The following IMPG2 variants were observed in gnomAD, a reference collection of about 807,000 sequenced individuals.
IMPG2 encodes interphotoreceptor matrix proteoglycan 2.
IMPG2 carries 91 observed loss-of-function variants against 129.2 expected under a neutral mutation model. That is an observed-to-expected ratio of 0.70 (90% CI 0.59 to 0.84). The LOEUF is 0.84. Among genes scored for constraint, IMPG2 ranks in the 40% least tolerant of loss-of-function variants. The probability of loss-of-function intolerance (pLI) is 0.00; values close to 1 mark genes in which losing one functional copy is unlikely to be tolerated. For missense variants in IMPG2, 1,430 were observed against 1,461.7 expected (o/e 0.98, Z 0.35); for synonymous variants, 510 against 517.7 (o/e 0.99, Z 0.20).
Position 101,275,735 on chromosome 3 carries a change from G to A in IMPG2, c.594C>T (p.Leu198=), listed in dbSNP as rs1446868298. 11 of 1,613,490 alleles carry A rather than the reference G, an allele frequency of 6.8e-6. No homozygotes were observed. Among genetic ancestry groups the A allele is most frequent in the Non-Finnish European group, 9.3e-6 (11 of 1,179,428 alleles). ...CGTCCACCTCTGGATGTGGAACACT[G>A]AGAGTAGTGTCTAAGAAGAAAAGCA... ...GDTSTLGDTT[L]SVPHPEVDAY... Residue 198 remains leucine, a synonymous_variant, in exon 6 of 19, where the codon CTC becomes CTT. Coordinates refer to ENST00000193391, the MANE Select transcript of IMPG2 (RefSeq NM_016247.4).
chr3:101,256,800 T>C (rs781409515), intron 10 of IMPG2, among the ~76,000 whole-genome samples: 4 of 152,040 alleles, frequency 2.6e-5, no homozygotes, highest in Non-Finnish European at 5.9e-5. Context: ...AAGTTACCGA[T>C]GAGTAAAGAA....
chr3:101,313,847 T>C (rs182934774), intron 2 of IMPG2, among the ~76,000 whole-genome samples: 71 of 152,192 alleles, frequency 4.7e-4, no homozygotes, highest in African/African-American at 1.7e-3. Context: ...CTAAGGAATA[T>C]ACCCAAAAAA....
intron 7 of IMPG2, 151 bp downstream of exon 7, chr3:101,273,430 A>G (rs1222125730): frequency 1.3e-6 from 1 of 747,832 alleles, no homozygotes; most frequent in African/African-American, 1.8e-5. Context: ...GACTTTTCAC[A>G]GAGTTTTCTG....
intron 12 of IMPG2, 105 bp from the exon 13 acceptor site, chr3:101,244,892 G>A (rs1237998030): frequency 1.0e-6 from 1 of 963,680 alleles, no homozygotes; most frequent in Non-Finnish European, 1.6e-6. Flanking sequence ...AAGTTAAGAG[G>A]GACAATTGTT....
intron 4 of IMPG2, 106 bp downstream of exon 4, chr3:101,291,373 C>A (rs765666871): frequency 1.0e-5 from 10 of 976,230 alleles, no homozygotes; most frequent in African/African-American, 1.6e-5. Context: ...TCATTGCGAA[C>A]TGGCAAGAAA....
At position 101,244,087 on chromosome 3, in the gene IMPG2, T is replaced by C; in HGVS notation, c.2244A>G (p.Glu748=). The change falls in exon 13 of 19, where the codon GAA becomes GAG. Residue 748 remains glutamate (E), a synonymous_variant. Transcript: ENST00000193391. ...QADAILREDM[E]QITESSNYEW... is the part of the protein sequence containing the mutation. ...CATAGTTGGATGACTCAGTAATTTG[T>C]TCCATATCCTCCCTTAGGATGGCAT... is the stretch of plus-strand genomic sequence containing the variant. The C allele has an allele frequency of 1.2e-6, 2 of 1,614,038 alleles. No homozygotes were observed. The highest frequency in any genetic ancestry group is 1.7e-6 in the Non-Finnish European group (2 of 1,180,024).
At chr3:101,302,590 A>G (rs1707150344) in intron 3 of IMPG2, among the ~76,000 whole-genome samples, 1 of 152,226 alleles carries the variant, frequency 6.6e-6, no homozygotes, top group African/African-American at 2.4e-5. Flanking sequence ...TTTAATAATT[A>G]TATGTCCATA....
chr3:101,320,334 A>G lies in IMPG2; in HGVS notation c.39T>C (p.Gly13=), dbSNP rs765658730. The change falls in exon 1 of 19, where the codon GGT becomes GGC. Residue 13 remains glycine, a synonymous_variant. Coordinates refer to ENST00000193391, the MANE Select transcript of IMPG2 (RefSeq NM_016247.4). ...MFPLFGKISL[G]ILIFVLIEGD... ...CTTCTATCAGGACAAATATCAAAAT[A>G]CCCAGAGAAATCTTCCCAAAAAGAG... 4 of 1,608,336 alleles carry G rather than the reference A, an allele frequency of 2.5e-6. No individual in the cohort carries two copies. The South Asian group carries it at 3.3e-5, about 13-fold the overall frequency.
At chr3:101,238,731 G>T (rs1706373352) in intron 14 of IMPG2, among the ~76,000 whole-genome samples, 1 of 152,100 alleles carries the variant, frequency 6.6e-6, no homozygotes, top group Non-Finnish European at 1.5e-5. Context: ...ACTAAATATG[G>T]AAAGGAAAAA....
At chr3:101,268,014 T>G (rs920103083) in intron 8 of IMPG2, among the ~76,000 whole-genome samples, 2 of 152,190 alleles carry the variant, frequency 1.3e-5, no homozygotes, top group African/African-American at 4.8e-5. Flanking sequence ...AATAGAACTT[T>G]CCATGTGCCA....
chr3:101,308,763 G>A (rs1027733370), intron 2 of IMPG2, among the ~76,000 whole-genome samples: 1 of 152,186 alleles, frequency 6.6e-6, no homozygotes, highest in African/African-American at 2.4e-5. Context: ...CAGAAAATGG[G>A]TTTTCTTTTC....
At chr3:101,284,567 A>AC (rs910006529) in intron 4 of IMPG2, among the ~76,000 whole-genome samples, 1 of 151,780 alleles carries the variant, frequency 6.6e-6, no homozygotes, top group Non-Finnish European at 1.5e-5. Flanking sequence ...ATGAACAACA[A>AC]AAAAAAACAA....
chr3:101,241,720 A>C (rs933838711), intron 14 of IMPG2, among the ~76,000 whole-genome samples: 2 of 152,122 alleles, frequency 1.3e-5, no homozygotes, highest in African/African-American at 4.8e-5. Flanking sequence ...GGTGTTAGGA[A>C]TTGAGGTATC....
chr3:101,309,558 C>T (rs986580236), intron 2 of IMPG2, among the ~76,000 whole-genome samples: 1 of 152,080 alleles, frequency 6.6e-6, no homozygotes, highest in Non-Finnish European at 1.5e-5. Context: ...TGAGAACTTG[C>T]TCACTATCAT....
chr3:101,300,262 G>C (rs908714566), intron 3 of IMPG2, among the ~76,000 whole-genome samples: 5 of 152,236 alleles, frequency 3.3e-5, no homozygotes, highest in African/African-American at 1.2e-4. Context: ...TCCAGCAGGG[G>C]AAAGACATGG....
At chr3:101,247,632 A>G (rs1706497074) in intron 11 of IMPG2, among the ~76,000 whole-genome samples, 2 of 152,102 alleles carry the variant, frequency 1.3e-5, no homozygotes, top group Non-Finnish European at 2.9e-5. Context: ...TTTGAATAAC[A>G]TGGAAGCTTT....
intron 2 of IMPG2, among the ~76,000 whole-genome samples, chr3:101,316,605 A>C (rs1345982005): frequency 1.3e-5 from 2 of 152,130 alleles, no homozygotes; most frequent in Non-Finnish European, 2.9e-5. Flanking sequence ...AAGACCAACT[A>C]TACCAAGTGT....
chr3:101,318,149 AAATAATAAT>A (rs138777161), intron 2 of IMPG2, among the ~76,000 whole-genome samples: 60,263 of 143,954 alleles, frequency 0.42, 13,046 homozygotes, highest in South Asian at 0.5. Context: ...AAATAGTAAT[AAATAATAAT>A]AATAATAATA....
At chr3:101,304,357 TG>T in intron 2 of IMPG2, 45 bp from the exon 3 acceptor site, 1 of 1,556,180 alleles carries the variant, frequency 6.4e-7, no homozygotes, top group Non-Finnish European at 8.9e-7. Flanking sequence ...TAACATGCTC[TG>T]GGGTTCTTAC....
Sources: allele counts gnomAD v4.1 joint callset (sites outside exome capture counted in the v4.1 genomes callset), GRCh38; gene constraint gnomAD v4.1.1; transcripts MANE v1.5; gene names NCBI Gene and HGNC (gene_info 2026-07-23, HGNC 2026-07-21).